The following PCDH7 variants were observed in gnomAD, a reference collection of about 807,000 sequenced individuals.
The protein encoded by PCDH7 is protocadherin-7.
In PCDH7, 17 loss-of-function variants were observed where a neutral mutation model predicts 58.9. The ratio of observed to expected loss-of-function variants is 0.29; its 90% CI spans 0.20 to 0.43. The LOEUF is 0.43. Ranked by LOEUF, PCDH7 falls within the 20% of genes least tolerant of loss-of-function variation. The pLI is 1.00. For synonymous variants in PCDH7, 664 were observed against 616.4 expected, an observed-to-expected ratio of 1.08 and a Z score of -1.14; for missense variants, 1,274 against 1,441.0, an observed-to-expected ratio of 0.88 and a Z score of 1.88.
At chr4:31,086,253 C>T (rs2109277451) in intron 3 of PCDH7, among the ~76,000 whole-genome samples, 1 of 152,200 alleles carries the variant, frequency 6.6e-6, no homozygotes, top group Admixed American at 6.5e-5. Flanking sequence ...GAGCAGAGTT[C>T]CTTTTATTTG....
chr4:30,805,464 A>G (rs995952659), intron 1 of PCDH7, among the ~76,000 whole-genome samples: 1 of 152,242 alleles, frequency 6.6e-6, no homozygotes. Flanking sequence ...AAAGTAAAAG[A>G]TATAAATAAG....
At chr4:31,083,422 A>G (rs1711883319) in intron 3 of PCDH7, among the ~76,000 whole-genome samples, 1 of 152,180 alleles carries the variant, frequency 6.6e-6, no homozygotes, top group South Asian at 2.1e-4. Context: ...TTTTTATTTA[A>G]CATGCTCTTT....
Position 30,730,318 on chromosome 4 carries a change from A to C in PCDH7, c.3175-435A>C, listed in dbSNP as rs572455641. On this transcript the variant is annotated intron_variant, in intron 1 of 1. Transcript: ENST00000361762. ...TAGTTTTTTTAAAAAAACCCATAGA[A>C]TCTTTTCTAAAGCAGTGACTCTTTT... Among the ~76,000 whole-genome samples the C allele has an allele frequency of 3.2e-4, 48 of 152,222 alleles. 2 individuals carry two copies. The highest frequency in any genetic ancestry group is 9.9e-4 in the African/African-American group (41 of 41,558).
chr4:31,070,478 A>C (rs1758455261), intron 3 of PCDH7, among the ~76,000 whole-genome samples: 1 of 152,046 alleles, frequency 6.6e-6, no homozygotes, highest in African/African-American at 2.4e-5. Flanking sequence ...GGAGTTGCTC[A>C]AGTTACATAG....
In PCDH7 at chr4:30,722,868, G is replaced by C; in HGVS notation, c.1446G>C (p.Lys482Asn). The C allele has an allele frequency of 2.5e-6, 4 of 1,613,888 alleles. No individual in the cohort carries two copies. Among genetic ancestry groups the C allele is most frequent in the Non-Finnish European group, 1.7e-6 (2 of 1,180,022 alleles). The change falls in exon 1 of 2, where the codon AAG becomes AAC. Residue 482 changes from lysine to asparagine, a missense_variant. Around this residue, in one of 3 missense-constraint regions of PCDH7, gnomAD observed 731 missense variants for 881.9 expected, o/e 0.83. Transcript: ENST00000361762. This position sits in a 1 kb window ranked among gnomAD's most constrained non-coding sequence, Gnocchi z 7.6. The stretch of plus-strand genomic sequence containing the variant: ...GCGACACCGAGGGCGACCAGAACAA[G>C]AAAAAGTACTTCTTGCACACCTCGA...
At chr4:30,759,501 C>T (rs916856117) in intron 1 of PCDH7, among the ~76,000 whole-genome samples, 1 of 151,986 alleles carries the variant, frequency 6.6e-6, no homozygotes, top group Non-Finnish European at 1.5e-5. Flanking sequence ...CCAATCTGTG[C>T]TCTCAAGAGA....
intron 1 of PCDH7, among the ~76,000 whole-genome samples, chr4:30,859,418 A>G (rs1733900881): frequency 6.6e-6 from 1 of 151,868 alleles, no homozygotes. Context: ...TGTGCATCAG[A>G]GAAAGCTCTA....
chr4:30,976,036 C>G (rs1560547517), intron 3 of PCDH7, among the ~76,000 whole-genome samples: 2 of 152,190 alleles, frequency 1.3e-5, no homozygotes, highest in African/African-American at 2.4e-5. Context: ...TTAGGATTTC[C>G]CTGGTTACAA....
intron 3 of PCDH7, among the ~76,000 whole-genome samples, chr4:31,024,844 G>A (rs1754298724): frequency 6.6e-6 from 1 of 152,094 alleles, no homozygotes; most frequent in African/African-American, 2.4e-5. Context: ...TGAGTTCTAA[G>A]CGATTCTCCT....
chr4:30,926,113 A>T (rs894593573), intron 2 of PCDH7, among the ~76,000 whole-genome samples: 21 of 152,186 alleles, frequency 1.4e-4, no homozygotes, highest in Non-Finnish European at 2.8e-4. Context: ...TTTTCACTAT[A>T]TTAATTGATA....
At chr4:31,137,635 AT>A (rs936384779) in intron 3 of PCDH7, among the ~76,000 whole-genome samples, 2 of 152,022 alleles carry the variant, frequency 1.3e-5, no homozygotes, top group African/African-American at 4.8e-5. Context: ...AATACTTCTT[AT>A]TTTTTTGCAG....
At chr4:30,816,651 A>T (rs1727712135) in intron 1 of PCDH7, among the ~76,000 whole-genome samples, 1 of 152,114 alleles carries the variant, frequency 6.6e-6, no homozygotes, top group South Asian at 2.1e-4. Flanking sequence ...TCATTTAGGC[A>T]ATAGAAGTCA....
chr4:31,017,223 C>A (rs1332618189), intron 3 of PCDH7, among the ~76,000 whole-genome samples: 2 of 152,078 alleles, frequency 1.3e-5, no homozygotes, highest in African/African-American at 4.8e-5. Flanking sequence ...GCTTTTAATT[C>A]TATCTTTTGG....
intron 3 of PCDH7, among the ~76,000 whole-genome samples, chr4:31,044,930 C>A (rs1756163486): frequency 6.6e-6 from 1 of 152,042 alleles, no homozygotes; most frequent in Admixed American, 6.6e-5. Context: ...ACCCTGACTT[C>A]TCTGCCTCAG....
chr4:30,912,592 G>A (rs1010653547), intron 1 of PCDH7, among the ~76,000 whole-genome samples: 1 of 152,138 alleles, frequency 6.6e-6, no homozygotes, highest in Admixed American at 6.6e-5. Context: ...ATAAGGAGAC[G>A]ATTTATGGAG....
At chr4:31,121,602 G>C (rs1578854353) in intron 3 of PCDH7, among the ~76,000 whole-genome samples, 1 of 152,078 alleles carries the variant, frequency 6.6e-6, no homozygotes, top group East Asian at 1.9e-4. Flanking sequence ...ATGATTACTA[G>C]TTGAGAATTT....
intron 3 of PCDH7, among the ~76,000 whole-genome samples, chr4:31,080,095 G>A (rs1223677912): frequency 6.6e-6 from 1 of 151,964 alleles, no homozygotes; most frequent in Non-Finnish European, 1.5e-5. Context: ...ATTTAACTTA[G>A]CTATTAAATC....
intron 1 of PCDH7, among the ~76,000 whole-genome samples, chr4:30,789,043 T>C (rs1184432031): frequency 6.6e-6 from 1 of 152,096 alleles, no homozygotes; most frequent in East Asian, 1.9e-4. Context: ...CAAGGGACAG[T>C]ATGAATTGAC....
intron 1 of PCDH7, among the ~76,000 whole-genome samples, chr4:30,809,665 G>A (rs1560392661): frequency 1.3e-5 from 2 of 152,276 alleles, no homozygotes; most frequent in East Asian, 1.9e-4. Flanking sequence ...CCAGCCCTAC[G>A]TCATTCTGAA....
Sources: gnomAD v4.1 joint callset for allele counts (sites outside exome capture counted in the v4.1 genomes callset) on GRCh38, gnomAD v4.1.1 for gene constraint, gnomAD v4.1.1 regional missense constraint, Gnocchi (gnomAD v3.1) non-coding constraint, MANE v1.5 for transcripts, NCBI Gene and HGNC (gene_info 2026-07-23, HGNC 2026-07-21) for gene names.